INPP5F: variants seen among roughly 807,000 people sequenced by gnomAD.
INPP5F encodes the protein inositol polyphosphate-5-phosphatase F.
A neutral mutation model predicts 137.2 loss-of-function variants in INPP5F; 97 were observed. That is an observed-to-expected ratio of 0.71 (90% CI 0.60 to 0.84). INPP5F has a LOEUF of 0.84. Ranked by LOEUF, INPP5F falls within the 40% of genes least tolerant of loss-of-function variation. INPP5F has a pLI of 0.00. For synonymous variants in INPP5F, 504 were observed against 476.9 expected (o/e 1.06, Z -0.74); for missense variants, 1,271 against 1,371.9 (o/e 0.93, Z 1.16).
At chr10:119,794,976 G>C (rs1423884988) in intron 6 of INPP5F, among the ~76,000 whole-genome samples, 1 of 139,314 alleles carries the variant, frequency 7.2e-6, no homozygotes, top group Admixed American at 6.9e-5. Context: ...AGGGGTGGCC[G>C]GGCAGAGGCG....
chr10:119,764,805 T>TG (rs1224258715), intron 2 of INPP5F, among the ~76,000 whole-genome samples: 7 of 152,184 alleles, frequency 4.6e-5, no homozygotes, highest in Admixed American at 1.3e-4. Context: ...CTTGAACTCC[T>TG]GACCTCAGCT....
At chr10:119,759,063 G>C (rs1013954971) in intron 2 of INPP5F, among the ~76,000 whole-genome samples, 3 of 152,214 alleles carry the variant, frequency 2.0e-5, no homozygotes, top group African/African-American at 7.2e-5. Flanking sequence ...GTCTGACAGG[G>C]TCCCTGTGGA....
chr10:119,726,223 C>T lies in INPP5F; in HGVS notation c.-40C>T. On this transcript the variant is annotated 5_prime_UTR_variant, in exon 1 of 20. Coordinates refer to ENST00000650623, the MANE Select transcript of INPP5F (RefSeq NM_014937.4). The stretch of plus-strand genomic sequence containing the variant: ...CGACCGACTAGGACGCCCCGTGCGC[C>T]GCCCGCGGGCCGCCGCCTCCCTGGG... 1 of 1,355,158 alleles carries T rather than the reference C, an allele frequency of 7.4e-7. No individual in the cohort carries two copies. The highest frequency in any genetic ancestry group is 9.7e-7 in the Non-Finnish European group (1 of 1,032,446). 83.9% of individuals were successfully genotyped at this position (1,355,158 alleles called of 1,614,324 possible).
At position 119,827,465 on chromosome 10, in the gene INPP5F, T is replaced by C; in HGVS notation, c.3084T>C (p.Val1028=). 1.2e-6 allele frequency: 2 copies of C among 1,614,186 alleles called. No individual in the cohort carries two copies. The highest frequency in any genetic ancestry group is 1.7e-6 in the Non-Finnish European group (2 of 1,180,022). ...LSATGPQFLS[V]EPAHSVASQK... ...CAACAGGCCCACAGTTTTTGTCAGT[T>C]GAGCCAGCGCATTCAGTTGCATCTC... Residue 1028 remains valine (V), a synonymous_variant, in exon 20 of 20, where the codon GTT becomes GTC. Coordinates refer to ENST00000650623, the MANE Select transcript of INPP5F (RefSeq NM_014937.4).
intron 2 of INPP5F, among the ~76,000 whole-genome samples, chr10:119,759,576 G>A (rs1268671331): frequency 1.3e-5 from 2 of 151,978 alleles, no homozygotes; most frequent in Non-Finnish European, 2.9e-5. Flanking sequence ...GGCTGGTCTC[G>A]AACTTCTGGC....
At chr10:119,754,320 G>A (rs1848772483) in intron 2 of INPP5F, among the ~76,000 whole-genome samples, 1 of 152,158 alleles carries the variant, frequency 6.6e-6, no homozygotes, top group South Asian at 2.1e-4. Context: ...GTTTGTTAAT[G>A]GTTGATGAGT....
chr10:119,806,510 T>C (rs1313485252), intron 12 of INPP5F, 30 bp downstream of exon 12: 14 of 1,548,992 alleles, frequency 9.0e-6, no homozygotes, highest in African/African-American at 1.4e-5. Context: ...ATTGCAAATA[T>C]TCATTTCGAA....
At chr10:119,750,338 C>T (rs1004933527) in intron 1 of INPP5F, among the ~76,000 whole-genome samples, 3 of 152,126 alleles carry the variant, frequency 2.0e-5, no homozygotes, top group Admixed American at 6.5e-5. Flanking sequence ...TTTATTACCA[C>T]GTATATAACC....
intron 2 of INPP5F, among the ~76,000 whole-genome samples, chr10:119,758,942 A>G (rs1009920283): frequency 6.6e-6 from 1 of 152,174 alleles, no homozygotes; most frequent in Non-Finnish European, 1.5e-5. Flanking sequence ...GTGACATGAA[A>G]TATTTTACAT....
At chr10:119,820,588 G>C (rs1851516744) in intron 15 of INPP5F, among the ~76,000 whole-genome samples, 1 of 152,092 alleles carries the variant, frequency 6.6e-6, no homozygotes, top group South Asian at 2.1e-4. Flanking sequence ...CATTTCCTGA[G>C]GGACTCCTTC....
At chr10:119,777,649 T>C (rs1237327188) in intron 2 of INPP5F, among the ~76,000 whole-genome samples, 2 of 152,248 alleles carry the variant, frequency 1.3e-5, no homozygotes, top group African/African-American at 2.4e-5. Context: ...TTATCTGTTA[T>C]GTGCTTTTTA....
chr10:119,776,347 G>A (rs1219948310), intron 2 of INPP5F, among the ~76,000 whole-genome samples: 1 of 1,908 alleles, frequency 5.2e-4, no homozygotes, highest in African/African-American at 5.7e-4. Context: ...CTAAAAAAAT[G>A]TGTATTTATT....
At chr10:119,762,246 A>T (rs765533259) in intron 2 of INPP5F, among the ~76,000 whole-genome samples, 2 of 152,188 alleles carry the variant, frequency 1.3e-5, no homozygotes, top group Non-Finnish European at 2.9e-5. Context: ...AACAACAGAA[A>T]TGTATTTCTG....
chr10:119,761,433 G>T lies in INPP5F; in HGVS notation c.178+10277G>T, dbSNP rs921851236. On this transcript the variant is annotated intron_variant, in intron 2 of 19. Coordinates refer to ENST00000650623, the MANE Select transcript of INPP5F (RefSeq NM_014937.4). ...AATGTGATGTACTTTTAGCTATTAGGTACCTGACGTTGAACAAACCAGCAC... is the reference window on the plus strand; with the variant it reads ...AATGTGATGTACTTTTAGCTATTAGTTACCTGACGTTGAACAAACCAGCAC... Among the ~76,000 whole-genome samples, 8 of 152,262 alleles carry T rather than the reference G, an allele frequency of 5.3e-5. No homozygotes were observed. In the South Asian group the frequency reaches 1.7e-3, roughly 32 times the overall value.
Position 119,827,790 on chromosome 10 carries a change from A to C in INPP5F, c.*10A>C. On this transcript the variant is annotated 3_prime_UTR_variant, in exon 20 of 20. Coordinates refer to ENST00000650623, the MANE Select transcript of INPP5F (RefSeq NM_014937.4). ...GATAATTCAGATTTAGCTTTTAGCC[A>C]TAAGAATCCTTCCATGGCTTTTATT... 3 of 1,563,300 alleles carry C rather than the reference A, an allele frequency of 1.9e-6. No individual in the cohort carries two copies. In the East Asian group the frequency reaches 6.7e-5, roughly 35 times the overall value.
At chr10:119,816,514 T>C (rs1197540259) in intron 15 of INPP5F, 1 of 152,274 alleles carries the variant, frequency 6.6e-6, no homozygotes, top group Non-Finnish European at 1.5e-5. Flanking sequence ...TTGCCACCGA[T>C]ATTTTTCTTC....
intron 2 of INPP5F, among the ~76,000 whole-genome samples, chr10:119,765,935 C>T (rs1335393585): frequency 2.7e-5 from 4 of 150,742 alleles, no homozygotes; most frequent in South Asian, 2.1e-4. Context: ...TTATTACTTA[C>T]AGAGATCTGT....
At chr10:119,791,370 T>A (rs2134204852) in intron 3 of INPP5F, 147 bp from the exon 4 acceptor site, 1 of 671,512 alleles carries the variant, frequency 1.5e-6, no homozygotes, top group African/African-American at 1.8e-5. Flanking sequence ...ATAGTTGTGC[T>A]TGCCATCAAT....
Position 119,826,738 on chromosome 10 carries a change from A to C in INPP5F, c.2357A>C (p.Gln786Pro). Residue 786 changes from glutamine to proline, a missense_variant, in exon 20 of 20, where the codon CAA becomes CCA. Gln to Pro is a moderately conservative substitution (Grantham distance 76, BLOSUM62 -1). Around this residue, in one of 6 missense-constraint regions of INPP5F, gnomAD observed 490 missense variants for 443.7 expected, o/e 1.10. Transcript: ENST00000650623. ...ATGAGCAAATTTTCATCTCTAAATC[A>C]AAAAGTGAAGCAGACCAAATCCAAT... ...FLMSKFSSLN[Q>P]KVKQTKSNVN... 2.5e-6 allele frequency: 4 copies of C among 1,613,602 alleles called. No homozygotes were observed. The highest frequency in any genetic ancestry group is 3.4e-6 in the Non-Finnish European group (4 of 1,179,858).
Sources: allele counts gnomAD v4.1 joint callset (sites outside exome capture counted in the v4.1 genomes callset), GRCh38; gene constraint gnomAD v4.1.1; regional missense constraint gnomAD v4.1.1; transcripts MANE v1.5; gene names NCBI Gene and HGNC (gene_info 2026-07-23, HGNC 2026-07-21).